Variants in RLIG1 observed in about 807,000 individuals in gnomAD.
The protein encoded by RLIG1 is RNA 5'-phosphate and 3'-OH ligase 1, also known as RNA ligase 1.
the RLIG1 span, chr12:88,049,469 T>G: frequency 7.7e-6 from 7 of 907,236 alleles, no homozygotes; most frequent in East Asian, 1.9e-4. Flanking sequence ...ATATTTTACG[T>G]TTGAACAAGG....
At chr12:88,047,864 T>TAAC in the RLIG1 span, among the ~76,000 whole-genome samples, 16 of 152,146 alleles carry the variant, frequency 1.1e-4, no homozygotes, top group Non-Finnish European at 2.4e-4. Flanking sequence ...TTCTATCATA[T>TAAC]AACATTCCTT....
At chr12:88,049,443 C>T in the RLIG1 span, 2 of 1,130,154 alleles carry the variant, frequency 1.8e-6, no homozygotes, top group Non-Finnish European at 2.5e-6. Context: ...TTAAAAGTTG[C>T]ATATAGGAAA....
At chr12:88,043,235 A>G in the RLIG1 span, among the ~76,000 whole-genome samples, 1 of 152,088 alleles carries the variant, frequency 6.6e-6, no homozygotes, top group African/African-American at 2.4e-5. Flanking sequence ...AATATTTTTA[A>G]TTATTAAAAT....
the RLIG1 span, chr12:88,049,930 A>C: frequency 6.2e-6 from 1 of 161,682 alleles, no homozygotes; most frequent in East Asian, 1.9e-4. Flanking sequence ...ACTATTTAGA[A>C]TAGCCAGTGA....
At chr12:88,035,793 G>A in the RLIG1 span, 2 of 1,554,224 alleles carry the variant, frequency 1.3e-6, no homozygotes, top group Non-Finnish European at 1.7e-6. Context: ...TCCCCGCGGC[G>A]CTGGCTCAGT....
At chr12:88,036,182 A>C in the RLIG1 span, 1 of 856,538 alleles carries the variant, frequency 1.2e-6, no homozygotes, top group Non-Finnish European at 1.6e-6. Context: ...CGGTGTTGAC[A>C]GTAGCCTAAT....
chr12:88,040,319 T>C, the RLIG1 span: 1 of 1,064,280 alleles, frequency 9.4e-7, no homozygotes, highest in Non-Finnish European at 1.4e-6. Flanking sequence ...TCTTAATCAC[T>C]TTACAGTCTA....
At chr12:88,041,588 G>A in the RLIG1 span, 4 of 152,088 alleles carry the variant, frequency 2.6e-5, no homozygotes, top group South Asian at 8.3e-4. Context: ...CTTATTTTCT[G>A]CTTTTTTCTG....
At chr12:88,043,616 G>A in the RLIG1 span, 16 of 1,609,470 alleles carry the variant, frequency 9.9e-6, no homozygotes, top group Non-Finnish European at 1.4e-5. Context: ...TTGGAACGTT[G>A]AGGAGGACTT....
chr12:88,040,436 C>G, the RLIG1 span, among the ~76,000 whole-genome samples: 1 of 152,040 alleles, frequency 6.6e-6, no homozygotes. Context: ...GTATTTTCTT[C>G]CTGGTGGAAA....
At chr12:88,040,107 C>A in the RLIG1 span, 2 of 1,063,350 alleles carry the variant, frequency 1.9e-6, no homozygotes, top group Non-Finnish European at 2.9e-6. Context: ...GACATAGAGG[C>A]TATCTATCTT....
At chr12:88,044,296 A>G in the RLIG1 span, 1 of 152,880 alleles carries the variant, frequency 6.5e-6, no homozygotes, top group Non-Finnish European at 1.5e-5. Flanking sequence ...AGAAGAGGGA[A>G]TAGCTTCCAA....
chr12:88,037,144 A>T, the RLIG1 span, among the ~76,000 whole-genome samples: 1 of 152,172 alleles, frequency 6.6e-6, no homozygotes, highest in Admixed American at 6.5e-5. Context: ...TCCTGTGAAC[A>T]TATCAACCAC....
the RLIG1 span, among the ~76,000 whole-genome samples, chr12:88,039,545 C>G: frequency 1.4e-4 from 22 of 152,224 alleles, no homozygotes; most frequent in Middle Eastern, 6.8e-3. Context: ...CATCAAGAAA[C>G]CTTACCTTTT....
the RLIG1 span, chr12:88,035,621 T>A: frequency 2.5e-6 from 4 of 1,581,490 alleles, no homozygotes; most frequent in Non-Finnish European, 3.4e-6. Flanking sequence ...AAGCACGCCC[T>A]CCATTCGCAC....
At chr12:88,048,790 TA>T in the RLIG1 span, 8 of 192,886 alleles carry the variant, frequency 4.1e-5, no homozygotes, top group African/African-American at 1.2e-4. Flanking sequence ...CTCAACCTCA[TA>T]ACCTATATGT....
At chr12:88,049,279 A>AAAGT in the RLIG1 span, 2 of 1,609,978 alleles carry the variant, frequency 1.2e-6, no homozygotes, top group Non-Finnish European at 1.7e-6. Flanking sequence ...AATTGTTCTG[A>AAAGT]AAGTTTTTTT....
the RLIG1 span, chr12:88,041,589 C>CT: frequency 6.6e-6 from 1 of 152,226 alleles, no homozygotes; most frequent in South Asian, 2.1e-4. Context: ...TTATTTTCTG[C>CT]TTTTTTCTGT....
chr12:88,039,184 A>T, the RLIG1 span, among the ~76,000 whole-genome samples: 1 of 152,122 alleles, frequency 6.6e-6, no homozygotes, highest in Non-Finnish European at 1.5e-5. Flanking sequence ...AAAAAAGGTT[A>T]AAAAAGGCAA....
Sources: gnomAD v4.1 joint callset for allele counts (sites outside exome capture counted in the v4.1 genomes callset) on GRCh38, gnomAD v4.1.1 for gene constraint, MANE v1.5 for transcripts, NCBI Gene and HGNC (gene_info 2026-07-23, HGNC 2026-07-21) for gene names.